REDIC1: variants seen among roughly 807,000 people sequenced by gnomAD.
The protein encoded by REDIC1 is regulator of DNA class I crossover intermediates 1.
At chr12:39,713,535 T>C in the REDIC1 span, among the ~76,000 whole-genome samples, 143 of 149,576 alleles carry the variant, frequency 9.6e-4, 2 homozygotes, top group African/African-American at 3.2e-3. Flanking sequence ...TGTGTACACG[T>C]ACATACGTAT....
the REDIC1 span, among the ~76,000 whole-genome samples, chr12:39,712,422 A>C: frequency 7.8e-6 from 1 of 128,320 alleles, no homozygotes; most frequent in Non-Finnish European, 1.7e-5. Flanking sequence ...GTATATACAT[A>C]CGTATATATA....
the REDIC1 span, among the ~76,000 whole-genome samples, chr12:39,829,173 G>A: frequency 6.6e-6 from 1 of 151,826 alleles, no homozygotes; most frequent in Admixed American, 6.6e-5. Context: ...GGATATAAAT[G>A]TTAGTTCATA....
chr12:39,626,494 G>A, the REDIC1 span: 11 of 1,143,972 alleles, frequency 9.6e-6, no homozygotes, highest in Non-Finnish European at 1.3e-6. Flanking sequence ...TATCCAAATC[G>A]GGTTGGAGAC....
chr12:39,794,526 C>G, the REDIC1 span, among the ~76,000 whole-genome samples: 1 of 152,302 alleles, frequency 6.6e-6, no homozygotes, highest in African/African-American at 2.4e-5. Flanking sequence ...CAAGTCTCAG[C>G]CAATCGCAGT....
the REDIC1 span, among the ~76,000 whole-genome samples, chr12:39,687,031 A>G: frequency 6.6e-6 from 1 of 152,206 alleles, no homozygotes; most frequent in Non-Finnish European, 1.5e-5. Context: ...CCTCATTTGT[A>G]TCTGAGACCT....
chr12:39,849,247 T>C, the REDIC1 span, among the ~76,000 whole-genome samples: 2 of 152,078 alleles, frequency 1.3e-5, no homozygotes, highest in Non-Finnish European at 1.5e-5. Flanking sequence ...ATATATATGA[T>C]TGCAAATTGG....
chr12:39,801,950 C>A, the REDIC1 span, among the ~76,000 whole-genome samples: 1 of 152,168 alleles, frequency 6.6e-6, no homozygotes, highest in South Asian at 2.1e-4. Flanking sequence ...CACAGCCATC[C>A]TCATTCCCAC....
the REDIC1 span, among the ~76,000 whole-genome samples, chr12:39,725,541 C>G: frequency 6.6e-6 from 1 of 152,036 alleles, no homozygotes; most frequent in Non-Finnish European, 1.5e-5. Context: ...TTTCGCAGTA[C>G]TGTCTCTGTT....
the REDIC1 span, among the ~76,000 whole-genome samples, chr12:39,885,967 G>C: frequency 6.6e-6 from 1 of 152,118 alleles, no homozygotes; most frequent in African/African-American, 2.4e-5. Flanking sequence ...CAAATGTTTT[G>C]TATAGAAACC....
chr12:39,664,391 CA>C, the REDIC1 span, among the ~76,000 whole-genome samples: 2 of 152,112 alleles, frequency 1.3e-5, no homozygotes, highest in Non-Finnish European at 2.9e-5. Flanking sequence ...CATGTCCCTA[CA>C]AAGGACATGA....
chr12:39,776,357 C>A, the REDIC1 span, among the ~76,000 whole-genome samples: 1 of 152,216 alleles, frequency 6.6e-6, no homozygotes, highest in East Asian at 1.9e-4. Flanking sequence ...AGTGGTAGTG[C>A]TCCCCTGCAA....
chr12:39,709,329 T>C, the REDIC1 span, among the ~76,000 whole-genome samples: 2 of 151,500 alleles, frequency 1.3e-5, no homozygotes, highest in Non-Finnish European at 3.0e-5. Flanking sequence ...ATGGGAATTA[T>C]TATTAATTTT....
chr12:39,835,771 G>C, the REDIC1 span: 10 of 152,094 alleles, frequency 6.6e-5, no homozygotes, highest in African/African-American at 2.4e-4. Flanking sequence ...AACAGCTCTA[G>C]AAATCAAGGC....
the REDIC1 span, among the ~76,000 whole-genome samples, chr12:39,824,328 C>T: frequency 6.6e-6 from 1 of 152,164 alleles, no homozygotes; most frequent in African/African-American, 2.4e-5. Context: ...TATTGAACAT[C>T]AGCAGTTTAT....
the REDIC1 span, among the ~76,000 whole-genome samples, chr12:39,720,154 T>G: frequency 6.6e-6 from 1 of 151,962 alleles, no homozygotes; most frequent in African/African-American, 2.4e-5. Flanking sequence ...AAAAAGTTCT[T>G]AAAGGTTGTC....
the REDIC1 span, among the ~76,000 whole-genome samples, chr12:39,711,868 C>CATGCATGTGTATATGT: frequency 3.0e-3 from 171 of 56,874 alleles, 5 homozygotes; most frequent in East Asian, 0.013. Context: ...TGTGTATACA[C>CATGCATGTGTATATGT]GTATACACAT....
the REDIC1 span, among the ~76,000 whole-genome samples, chr12:39,718,668 AT>A: frequency 1.5e-4 from 23 of 149,088 alleles, no homozygotes; most frequent in East Asian, 5.9e-4. Flanking sequence ...CCTATGTGAC[AT>A]TTTTTTTTTC....
At chr12:39,745,294 G>T in the REDIC1 span, among the ~76,000 whole-genome samples, 1 of 152,110 alleles carries the variant, frequency 6.6e-6, no homozygotes, top group African/African-American at 2.4e-5. Context: ...CAATTTTCAG[G>T]TCAAGACAGT....
chr12:39,682,777 A>C, the REDIC1 span: 2 of 1,613,364 alleles, frequency 1.2e-6, no homozygotes, highest in Non-Finnish European at 1.7e-6. Context: ...TGAAGATGTG[A>C]ACCAGTCTAC....
Sources: gnomAD v4.1 joint callset for allele counts (sites outside exome capture counted in the v4.1 genomes callset) on GRCh38, gnomAD v4.1.1 for gene constraint, MANE v1.5 for transcripts, NCBI Gene and HGNC (gene_info 2026-07-23, HGNC 2026-07-21) for gene names.